The following PHF5A variants were observed in gnomAD, a reference collection of about 807,000 sequenced individuals.
PHF5A encodes PHD finger-like domain-containing protein 5A.
For missense variants in PHF5A, 24 were observed against 140.6 expected, an observed-to-expected ratio of 0.17 and a Z score of 4.19; for synonymous variants, 52 against 46.0, an observed-to-expected ratio of 1.13 and a Z score of -0.52.
intron 3 of PHF5A, among the ~76,000 whole-genome samples, chr22:41,461,525 T>C (rs1601864448): frequency 6.6e-6 from 1 of 151,126 alleles, no homozygotes; most frequent in African/African-American, 2.4e-5. Flanking sequence ...CCGGCTAATT[T>C]CTTTTGTATT....
intron 1 of PHF5A, 178 bp downstream of exon 1, chr22:41,468,424 C>A: frequency 2.8e-6 from 2 of 717,474 alleles, no homozygotes; most frequent in Admixed American, 2.8e-5. Context: ...GCACGCGCAC[C>A]CCCGCCCTCT....
At chr22:41,468,445 G>A in intron 1 of PHF5A, 157 bp downstream of exon 1, 1 of 819,706 alleles carries the variant, frequency 1.2e-6, no homozygotes, top group Non-Finnish European at 1.9e-6. Flanking sequence ...TCTCATCAGA[G>A]GCCACAAACC....
chr22:41,463,724 CAAAAA>C (rs11387908), intron 3 of PHF5A, among the ~76,000 whole-genome samples: 1 of 59,066 alleles, frequency 1.7e-5, no homozygotes, highest in East Asian at 5.4e-4. Flanking sequence ...GACTCTGTCT[CAAAAA>C]AAAAAAAAAA....
At chr22:41,468,529 G>C in intron 1 of PHF5A, 73 bp downstream of exon 1, 1 of 1,532,856 alleles carries the variant, frequency 6.5e-7, no homozygotes, top group Non-Finnish European at 9.0e-7. Flanking sequence ...CTAAGGAAGA[G>C]ACGGGAACCC....
intron 3 of PHF5A, 23 bp downstream of exon 3, chr22:41,467,425 C>T (rs748960479): frequency 1.2e-6 from 2 of 1,611,158 alleles, no homozygotes; most frequent in Non-Finnish European, 1.7e-6. Flanking sequence ...GAGGAAAGGT[C>T]AGATGGAAAG....
At chr22:41,468,436 C>T (rs2037893069) in intron 1 of PHF5A, 166 bp downstream of exon 1, 3 of 773,632 alleles carry the variant, frequency 3.9e-6, no homozygotes, top group Non-Finnish European at 4.2e-6. Flanking sequence ...CCGCCCTCTT[C>T]TCATCAGAGG....
chr22:41,461,684 G>A (rs1469688731), intron 3 of PHF5A, among the ~76,000 whole-genome samples: 1 of 151,324 alleles, frequency 6.6e-6, no homozygotes, highest in Non-Finnish European at 1.5e-5. Flanking sequence ...TTTTTTTTGA[G>A]ACGGAGTCTT....
intron 3 of PHF5A, among the ~76,000 whole-genome samples, chr22:41,464,890 A>G (rs1281934129): frequency 1.3e-5 from 2 of 152,354 alleles, no homozygotes; most frequent in Middle Eastern, 3.4e-3. Context: ...GATGACTTAC[A>G]GGGACAGCAC....
rs1555885001 is a variant in PHF5A at position 41,463,747 on chromosome 22, A to AG, written c.244-3261dup. 2.2e-3 allele frequency among the ~76,000 whole-genome samples: 337 copies of AG among 150,276 alleles called. 1 individual carries two copies. Among genetic ancestry groups the AG allele is most frequent in the Non-Finnish European group, 4.0e-3 (268 of 67,462 alleles). ...CTCAAAAAAAAAAAAAAAAAAAAAA[A>AG]GCCAGGCATGGTGGCATGTGCCTGT... On this transcript the variant is annotated intron_variant, in intron 3 of 3. Transcript: ENST00000216252.
At chr22:41,468,479 G>T in intron 1 of PHF5A, 123 bp downstream of exon 1, 2 of 1,148,366 alleles carry the variant, frequency 1.7e-6, no homozygotes, top group Non-Finnish European at 2.6e-6. Flanking sequence ...AACACCCCGC[G>T]CCTGAGAGGC....
intron 3 of PHF5A, 78 bp from the exon 4 acceptor site, chr22:41,460,565 G>T: frequency 1.7e-6 from 2 of 1,202,264 alleles, no homozygotes; most frequent in Non-Finnish European, 1.2e-6. Context: ...TTTAAGCCCA[G>T]TGTGGTAGCA....
Position 41,468,580 on chromosome 22 carries a change from CA to C in PHF5A, c.52+21del. 3 of 1,613,860 alleles carry C rather than the reference CA, an allele frequency of 1.9e-6. No individual in the cohort carries two copies. In the South Asian group the frequency reaches 3.3e-5, roughly 18 times the overall value. On this transcript the variant is annotated intron_variant, in intron 1 of 3. Coordinates refer to ENST00000216252, the MANE Select transcript of PHF5A (RefSeq NM_032758.4). The stretch of plus-strand genomic sequence containing the variant: ...CTAATACCACCCCTGCCCAGACAGC[CA>C]GGGGTAGGGCGCAGTCTCACCAACA...
intron 3 of PHF5A, among the ~76,000 whole-genome samples, chr22:41,466,044 C>T (rs780622825): frequency 1.3e-5 from 2 of 152,190 alleles, no homozygotes; most frequent in Non-Finnish European, 2.9e-5. Flanking sequence ...GGTGTGATAA[C>T]ATCTATAAAA....
chr22:41,468,458 C>T, intron 1 of PHF5A, 144 bp downstream of exon 1: 1 of 930,708 alleles, frequency 1.1e-6, no homozygotes, highest in Non-Finnish European at 1.7e-6. Context: ...CACAAACCTG[C>T]GCGCTCCTAC....
intron 3 of PHF5A, 49 bp downstream of exon 3, chr22:41,467,399 T>C (rs765317641): frequency 6.3e-7 from 1 of 1,576,882 alleles, no homozygotes; most frequent in South Asian, 1.1e-5. Flanking sequence ...GATGGCAAAG[T>C]GTTACTAAAC....
Position 41,459,782 on chromosome 22 carries a change from A to G in PHF5A, c.*616T>C, listed in dbSNP as rs2037811657. On this transcript the variant is annotated 3_prime_UTR_variant, in exon 4 of 4. Coordinates refer to ENST00000216252, the MANE Select transcript of PHF5A (RefSeq NM_032758.4). ...CAGAAAGAGTTTCCAATTTCTCAAA[A>G]GGAAAATAATATGAGACTAGTGGGC... 6.6e-6 allele frequency: 1 copy of G among 151,980 alleles called. No homozygotes were observed. The highest frequency in any genetic ancestry group is 1.5e-5 in the Non-Finnish European group (1 of 68,014). The allele number at this position is 151,980 out of a possible 1,614,324, so 9.4% of individuals were successfully genotyped here. A position where few individuals can be genotyped will look rare whatever the true frequency, so the allele number is the denominator to read the frequency against.
chr22:41,464,461 C>A (rs904033667), intron 3 of PHF5A, among the ~76,000 whole-genome samples: 4 of 152,154 alleles, frequency 2.6e-5, no homozygotes, highest in African/African-American at 9.7e-5. Flanking sequence ...TCTTTGTGTT[C>A]CTTGGAAACT....
At chr22:41,464,422 G>C (rs1306245295) in intron 3 of PHF5A, among the ~76,000 whole-genome samples, 1 of 152,212 alleles carries the variant, frequency 6.6e-6, no homozygotes, top group Non-Finnish European at 1.5e-5. Flanking sequence ...GATCTGTAAG[G>C]CTGAGAGCCT....
intron 3 of PHF5A, among the ~76,000 whole-genome samples, chr22:41,461,568 GGCTGGTCTC>G (rs2037828045): frequency 6.6e-6 from 1 of 152,030 alleles, no homozygotes; most frequent in Admixed American, 6.6e-5. Flanking sequence ...ATGCTGCTCA[GGCTGGTCTC>G]AAACTCCTGA....
Sources: allele counts gnomAD v4.1 joint callset (sites outside exome capture counted in the v4.1 genomes callset), GRCh38; gene constraint gnomAD v4.1.1; transcripts MANE v1.5; gene names NCBI Gene and HGNC (gene_info 2026-07-23, HGNC 2026-07-21).